The following ASXL2 variants were observed in gnomAD, a reference collection of about 807,000 sequenced individuals.
ASXL2 encodes putative Polycomb group protein ASXL2.
A neutral mutation model predicts 122.0 loss-of-function variants in ASXL2; 23 were observed. The observed-to-expected ratio is 0.19, with a 90% confidence interval of 0.14 to 0.27. The LOEUF is 0.27. Among genes scored for constraint, ASXL2 ranks in the 10% least tolerant of loss-of-function variants. The pLI is 1.00. For synonymous variants in ASXL2, 650 were observed against 637.0 expected (o/e 1.02, Z -0.31); for missense variants, 1,518 against 1,713.8 (o/e 0.89, Z 2.02).
intron 5 of ASXL2, among the ~76,000 whole-genome samples, chr2:25,798,771 A>T (rs2088949242): frequency 1.3e-5 from 2 of 152,192 alleles, no homozygotes; most frequent in Admixed American, 6.5e-5. Context: ...TCTCAAAAAA[A>T]AGTCAGTGGT....
At chr2:25,748,945 A>G (rs1197429326) in intron 12 of ASXL2, among the ~76,000 whole-genome samples, 19 of 152,244 alleles carry the variant, frequency 1.2e-4, no homozygotes, top group Non-Finnish European at 2.8e-4. Flanking sequence ...CCATGTTACT[A>G]GTGTCCCTCA....
At chr2:25,748,912 C>T (rs1256710250) in intron 12 of ASXL2, among the ~76,000 whole-genome samples, 1 of 152,236 alleles carries the variant, frequency 6.6e-6, no homozygotes. Flanking sequence ...ACATGCTAAG[C>T]AGCAGAGCTT....
chr2:25,774,212 T>C (rs1003199790), intron 5 of ASXL2, among the ~76,000 whole-genome samples: 5 of 152,076 alleles, frequency 3.3e-5, no homozygotes, highest in African/African-American at 1.2e-4. Flanking sequence ...CCATGACATA[T>C]AATTTACTTA....
intron 5 of ASXL2, among the ~76,000 whole-genome samples, chr2:25,786,412 TG>T (rs1338001966): frequency 6.6e-6 from 1 of 151,534 alleles, no homozygotes; most frequent in African/African-American, 2.4e-5. Flanking sequence ...GGCTAATTTT[TG>T]TATTTTTAGT....
At position 25,741,876 on chromosome 2, in the gene ASXL2, A is replaced by G; in HGVS notation, c.*153T>C. 4.2e-6 allele frequency: 3 copies of G among 720,310 alleles called. No homozygotes were observed. Among genetic ancestry groups the G allele is most frequent in the Non-Finnish European group, 6.7e-6 (3 of 449,218 alleles). 44.6% of individuals were successfully genotyped at this position (720,310 alleles called of 1,614,324 possible). On this transcript the variant is annotated 3_prime_UTR_variant, in exon 13 of 13. Coordinates refer to ENST00000435504, the MANE Select transcript of ASXL2 (RefSeq NM_018263.6). ...GTGCTCTTCCTCTAAAATGTAAAAA[A>G]TCTGTACTTTGTATTCCTGATTAAG...
At chr2:25,779,709 A>G (rs2088603552) in intron 5 of ASXL2, among the ~76,000 whole-genome samples, 1 of 152,208 alleles carries the variant, frequency 6.6e-6, no homozygotes, top group Non-Finnish European at 1.5e-5. Flanking sequence ...AAAATTTTAA[A>G]TTATGTAACG....
At chr2:25,853,985 C>A (rs1187956293) in intron 1 of ASXL2, among the ~76,000 whole-genome samples, 6 of 152,118 alleles carry the variant, frequency 3.9e-5, no homozygotes, top group African/African-American at 1.4e-4. Context: ...GATTTGGGCG[C>A]AGAAACTTGA....
rs543846010 is a variant in ASXL2 at position 25,820,100 on chromosome 2, T to C, written c.144-13763A>G. ...CTAATTATTTTATTTTATTATTGTA[T>C]AGAGACGGGCTCGCTTTGTTGCCCA... is the stretch of plus-strand genomic sequence containing the variant. On this transcript the variant is annotated intron_variant, in intron 3 of 12. Transcript: ENST00000435504. 5.9e-5 allele frequency among the ~76,000 whole-genome samples: 9 copies of C among 152,194 alleles called. No homozygotes were observed. In the East Asian group the frequency reaches 1.2e-3, roughly 20 times the overall value.
In ASXL2 at chr2:25,735,601, A is replaced by G. The variant is rs1199724541; in HGVS notation, c.*6428T>C. On this transcript the variant is annotated 3_prime_UTR_variant, in exon 13 of 13. Coordinates refer to ENST00000435504, the MANE Select transcript of ASXL2 (RefSeq NM_018263.6). ...TTCCCTTTAGCTTCTTTTAGGTTTG[A>G]ACAGTGACAGGAAAGCTGCATTATT... 1.3e-5 allele frequency: 2 copies of G among 152,212 alleles called. No individual in the cohort carries two copies. The allele number at this position is 152,212 out of a possible 1,614,324, so 9.4% of individuals were successfully genotyped here. A position where few individuals can be genotyped will look rare whatever the true frequency, so the allele number is the denominator to read the frequency against.
chr2:25,784,011 A>C (rs2088693212), intron 5 of ASXL2, among the ~76,000 whole-genome samples: 1 of 151,662 alleles, frequency 6.6e-6, no homozygotes, highest in Non-Finnish European at 1.5e-5. Flanking sequence ...CTGAGATCAC[A>C]CCACTGCACT....
chr2:25,798,447 A>C (rs2088944080), intron 5 of ASXL2, among the ~76,000 whole-genome samples: 1 of 152,208 alleles, frequency 6.6e-6, no homozygotes, highest in Admixed American at 6.5e-5. Context: ...GGAAAAGGTC[A>C]AACTATGGAA....
chr2:25,856,678 CGTTAG>C (rs2089783117), intron 1 of ASXL2: 1 of 1,273,504 alleles, frequency 7.9e-7, no homozygotes, highest in African/African-American at 1.5e-5. Flanking sequence ...AACCCTCAGC[CGTTAG>C]AGTGAGCCAG....
chr2:25,810,843 T>C (rs763015001), intron 3 of ASXL2, among the ~76,000 whole-genome samples: 6 of 152,112 alleles, frequency 3.9e-5, no homozygotes, highest in Non-Finnish European at 7.4e-5. Flanking sequence ...GAATATCTCA[T>C]ACATCTGGGG....
rs377590735 is a variant in ASXL2 at position 25,743,597 on chromosome 2, C to T, written c.2740G>A (p.Ala914Thr). Reference sequence around the variant, plus strand: ...GCTGGCAAAGTGCTCGAGGGTGGAGCTGATCCAGCAGGTGCTGTAGTTGCA... The same window carrying T: ...GCTGGCAAAGTGCTCGAGGGTGGAGTTGATCCAGCAGGTGCTGTAGTTGCA... Reference protein sequence around the residue: ...VSATTAPAGSAPPSSTLPAAS... With the variant: ...VSATTAPAGSTPPSSTLPAAS... Residue 914 changes from alanine (A) to threonine (T), a missense_variant, in exon 13 of 13, where the codon GCT (alanine) becomes ACT (threonine). This residue lies in a region of ASXL2 where 831 missense variants were observed against 833.1 expected (regional missense o/e 1.00). Coordinates refer to ENST00000435504, the MANE Select transcript of ASXL2 (RefSeq NM_018263.6). The T allele has an allele frequency of 8.1e-6, 13 of 1,613,876 alleles. No homozygotes were observed. Among genetic ancestry groups the T allele is most frequent in the African/African-American group, 1.3e-5 (1 of 74,908 alleles).
At chr2:25,796,571 C>T (rs1348573356) in intron 5 of ASXL2, among the ~76,000 whole-genome samples, 1 of 152,178 alleles carries the variant, frequency 6.6e-6, no homozygotes, top group Non-Finnish European at 1.5e-5. Context: ...AGACATTATT[C>T]CCTAACGAAA....
In ASXL2 at chr2:25,818,147, C is replaced by T. The variant is rs115392916; in HGVS notation, c.144-11810G>A. ...TGCAAACCTATGATAGAATGGCTCACCTGTTAAAATTTATCTTTCATTTAG... is the reference window on the plus strand; with the variant it reads ...TGCAAACCTATGATAGAATGGCTCATCTGTTAAAATTTATCTTTCATTTAG... On this transcript the variant is annotated intron_variant, in intron 3 of 12. Transcript: ENST00000435504. 3.5e-3 allele frequency among the ~76,000 whole-genome samples: 528 copies of T among 152,290 alleles called. 3 individuals are homozygous for T. Among genetic ancestry groups the T allele is most frequent in the African/African-American group, 0.012 (485 of 41,560 alleles).
rs189743749 is a variant in ASXL2 at position 25,739,478 on chromosome 2, C to T, written c.*2551G>A. The T allele has an allele frequency of 8.6e-5, 16 of 185,762 alleles. No individual in the cohort carries two copies. The East Asian group carries it at 1.2e-3, about 14-fold the overall frequency. 11.5% of individuals were successfully genotyped at this position (185,762 alleles called of 1,614,324 possible). On this transcript the variant is annotated 3_prime_UTR_variant, in exon 13 of 13. Transcript: ENST00000435504. ...AATAGACTGGTATTCAAGTTACTAC[C>T]CAACTGAGAGAACTTAACTGTTCTC...
At chr2:25,792,909 A>G (rs899668337) in intron 5 of ASXL2, among the ~76,000 whole-genome samples, 1 of 152,034 alleles carries the variant, frequency 6.6e-6, no homozygotes, top group Admixed American at 6.5e-5. Flanking sequence ...CTCGGCTGAT[A>G]AATTTTTTTT....
In ASXL2 at chr2:25,740,641, A is replaced by G. The variant is rs1230877113; in HGVS notation, c.*1388T>C. 4.4e-6 allele frequency: 1 copy of G among 227,574 alleles called. No individual in the cohort carries two copies. The highest frequency in any genetic ancestry group is 1.8e-4 in the South Asian group (1 of 5,480). The allele number at this position is 227,574 out of a possible 1,614,324, so 14.1% of individuals were successfully genotyped here. A position where few individuals can be genotyped will look rare whatever the true frequency, so the allele number is the denominator to read the frequency against. The stretch of plus-strand genomic sequence containing the variant: ...AGGATTTAAAAACAAAAAAGGAAAC[A>G]AGAAAGAAAAAGAAACAAAAACAAG... On this transcript the variant is annotated 3_prime_UTR_variant, in exon 13 of 13. Transcript: ENST00000435504.
Sources: allele counts gnomAD v4.1 joint callset (sites outside exome capture counted in the v4.1 genomes callset), GRCh38; gene constraint gnomAD v4.1.1; regional missense constraint gnomAD v4.1.1; transcripts MANE v1.5; gene names NCBI Gene and HGNC (gene_info 2026-07-23, HGNC 2026-07-21).